The following TMEM127 variants were observed in gnomAD, a reference collection of about 807,000 sequenced individuals.
The protein encoded by TMEM127 is transmembrane protein 127.
Under a neutral mutation model 20.1 loss-of-function variants are expected in TMEM127, and 21 were observed. That is an observed-to-expected ratio of 1.04 (90% CI 0.74 to 1.50). The LOEUF (loss-of-function observed/expected upper bound fraction) is 1.50. Ranked by LOEUF, TMEM127 falls within the 40% of genes most tolerant of loss-of-function variation. The probability of loss-of-function intolerance (pLI) is 0.00; values close to 1 mark genes in which losing one functional copy is unlikely to be tolerated. For missense variants in TMEM127, 303 were observed against 317.4 expected, an observed-to-expected ratio of 0.95 and a Z score of 0.34; for synonymous variants, 150 against 144.7, an observed-to-expected ratio of 1.04 and a Z score of -0.26.
intron 1 of TMEM127, 21 bp from the exon 2 acceptor site, chr2:96,265,533 G>A: frequency 9.5e-7 from 1 of 1,054,762 alleles, no homozygotes; most frequent in South Asian, 4.0e-5. Context: ...TGACACCAGA[G>A]GATAGGGGGG....
chr2:96,255,866 G>A (rs1235675949), intron 2 of TMEM127, among the ~76,000 whole-genome samples: 2 of 152,046 alleles, frequency 1.3e-5, no homozygotes, highest in Non-Finnish European at 2.9e-5. Context: ...TATAGTCTTA[G>A]CTCCTTAGGA....
At chr2:96,261,077 A>G (rs1239022203) in intron 2 of TMEM127, among the ~76,000 whole-genome samples, 1 of 152,034 alleles carries the variant, frequency 6.6e-6, no homozygotes, top group Non-Finnish European at 1.5e-5. Context: ...TCATTCTCCA[A>G]AGATGCTTCC....
rs1684036225 is a variant in TMEM127 at position 96,249,124 on chromosome 2, T to A, written c.*4684A>T. ...TGTGTGTGTGTGTGTGTGTTTGAGATGGAGTCTCACTCTGTCAGGCTGGAG... is the reference window on the plus strand; with the variant it reads ...TGTGTGTGTGTGTGTGTGTTTGAGAAGGAGTCTCACTCTGTCAGGCTGGAG... On this transcript the variant is annotated 3_prime_UTR_variant, in exon 4 of 4. Coordinates refer to ENST00000258439, the MANE Select transcript of TMEM127 (RefSeq NM_017849.4). 1 of 228,554 alleles carries A rather than the reference T, an allele frequency of 4.4e-6. No homozygotes were observed. Among genetic ancestry groups the A allele is most frequent in the South Asian group, 1.8e-4 (1 of 5,450 alleles). 14.2% of individuals were successfully genotyped at this position (228,554 alleles called of 1,614,324 possible).
rs12619490 is a variant in TMEM127, at chr2:96,261,370, G to A, written c.244+3768C>T. Reference sequence around the variant, plus strand: ...AGTTCACTGCAGCCTTGAACTCCTGGACTCAAGTGATCCTGCTGGCCTCCT... The same window carrying A: ...AGTTCACTGCAGCCTTGAACTCCTGAACTCAAGTGATCCTGCTGGCCTCCT... On this transcript the variant is annotated intron_variant, in intron 2 of 3. Coordinates refer to ENST00000258439, the MANE Select transcript of TMEM127 (RefSeq NM_017849.4). Among the ~76,000 whole-genome samples, 212 of 152,104 alleles carry A rather than the reference G, an allele frequency of 1.4e-3. 5 individuals are homozygous for A. The East Asian group carries it at 0.035, about 25-fold the overall frequency.
chr2:96,261,431 GAA>G (rs1558755088), intron 2 of TMEM127, among the ~76,000 whole-genome samples: 1 of 152,164 alleles, frequency 6.6e-6, no homozygotes, highest in Non-Finnish European at 1.5e-5. Flanking sequence ...TTACAGGAGT[GAA>G]CCACCACACC....
intron 2 of TMEM127, 143 bp from the exon 3 acceptor site, chr2:96,255,140 G>T: frequency 8.4e-7 from 1 of 1,188,008 alleles, no homozygotes; most frequent in Non-Finnish European, 1.2e-6. Context: ...CCCTGCTCCT[G>T]GGTGGTCTGC....
In TMEM127 at chr2:96,253,648, C is replaced by A; in HGVS notation, c.*160G>T. The A allele has an allele frequency of 1.3e-6, 1 of 761,804 alleles. No individual in the cohort carries two copies. The highest frequency in any genetic ancestry group is 2.1e-6 in the Non-Finnish European group (1 of 482,430). 47.2% of individuals were successfully genotyped at this position (761,804 alleles called of 1,614,324 possible). ...ACCTCCGGTTCTGAGAGCAGGGATA[C>A]TTGGATGACCCTAAAGGCAGAGTCT... On this transcript the variant is annotated 3_prime_UTR_variant, in exon 4 of 4. Coordinates refer to ENST00000258439, the MANE Select transcript of TMEM127 (RefSeq NM_017849.4). This position sits in a 1 kb window ranked among gnomAD's most constrained non-coding sequence, Gnocchi z 4.3.
intron 2 of TMEM127, among the ~76,000 whole-genome samples, chr2:96,256,818 G>A (rs936810330): frequency 1.3e-5 from 2 of 152,024 alleles, no homozygotes; most frequent in Admixed American, 6.6e-5. Flanking sequence ...CACACAAAAA[G>A]AAAGGGAGGT....
intron 2 of TMEM127, among the ~76,000 whole-genome samples, chr2:96,259,402 T>C (rs1684272131): frequency 1.3e-5 from 2 of 152,242 alleles, no homozygotes; most frequent in Admixed American, 1.3e-4. Flanking sequence ...TCCCTGGAGA[T>C]AATCAATCAA....
In TMEM127 at chr2:96,252,080, A is replaced by G. The variant is rs1210470454; in HGVS notation, c.*1728T>C. 2 of 233,380 alleles carry G rather than the reference A, an allele frequency of 8.6e-6. No individual in the cohort carries two copies. The highest frequency in any genetic ancestry group is 1.7e-5 in the Non-Finnish European group (2 of 118,048). The allele number at this position is 233,380 out of a possible 1,614,324, so 14.5% of individuals were successfully genotyped here. On this transcript the variant is annotated 3_prime_UTR_variant, in exon 4 of 4. Coordinates refer to ENST00000258439, the MANE Select transcript of TMEM127 (RefSeq NM_017849.4). This position sits in a 1 kb window ranked among gnomAD's most constrained non-coding sequence, Gnocchi z 4.2. ...CTTGCCTGAGAGAAGAGTCCAGAAGAGCAGGAGAGTCACCTTTGAACACAC... is the reference window on the plus strand; with the variant it reads ...CTTGCCTGAGAGAAGAGTCCAGAAGGGCAGGAGAGTCACCTTTGAACACAC...
At chr2:96,256,352 A>C (rs1370926216) in intron 2 of TMEM127, among the ~76,000 whole-genome samples, 1 of 151,834 alleles carries the variant, frequency 6.6e-6, no homozygotes, top group African/African-American at 2.4e-5. Flanking sequence ...CGGGCAAAAC[A>C]CCTGAGGTCA....
At position 96,253,114 on chromosome 2, in the gene TMEM127, C is replaced by G. The variant is rs567850871; in HGVS notation, c.*694G>C. On this transcript the variant is annotated 3_prime_UTR_variant, in exon 4 of 4. Coordinates refer to ENST00000258439, the MANE Select transcript of TMEM127 (RefSeq NM_017849.4). This position sits in a 1 kb window ranked among gnomAD's most constrained non-coding sequence, Gnocchi z 4.3. ...GCTGGGAGATGTAGTCCCCTTCACT[C>G]TGGTCCTTGATAGGCACCAGGGGGC... is the stretch of plus-strand genomic sequence containing the variant. 16 of 233,404 alleles carry G rather than the reference C, an allele frequency of 6.9e-5. No individual in the cohort carries two copies. Among genetic ancestry groups the G allele is most frequent in the Admixed American group, 3.4e-4 (6 of 17,786 alleles). 14.5% of individuals were successfully genotyped at this position (233,404 alleles called of 1,614,324 possible). A position where few individuals can be genotyped will look rare whatever the true frequency, so the allele number is the denominator to read the frequency against.
At position 96,265,407 on chromosome 2, in the gene TMEM127, GC is replaced by G; in HGVS notation, c.-27del. ...GCCCGGGGCCGCCCGCCGTCGCTCCGCAGTCGCTGCTGGTCGCCGCCGACCT... is the reference window on the plus strand; with the variant it reads ...GCCCGGGGCCGCCCGCCGTCGCTCCGAGTCGCTGCTGGTCGCCGCCGACCT... On this transcript the variant is annotated 5_prime_UTR_variant, in exon 2 of 4. Coordinates refer to ENST00000258439, the MANE Select transcript of TMEM127 (RefSeq NM_017849.4). 1 of 1,355,690 alleles carries G rather than the reference GC, an allele frequency of 7.4e-7. No homozygotes were observed. Among genetic ancestry groups the G allele is most frequent in the Non-Finnish European group, 9.4e-7 (1 of 1,059,810 alleles). 84.0% of individuals were successfully genotyped at this position (1,355,690 alleles called of 1,614,324 possible). A position where few individuals can be genotyped will look rare whatever the true frequency, so the allele number is the denominator to read the frequency against.
chr2:96,251,929 C>T lies in TMEM127; in HGVS notation c.*1879G>A, dbSNP rs766485637. ...TCTTCTGGTCTGCCTGCTCAGACAC[C>T]CAAGGGCAGAGAGAGCTGGCCACAA... On this transcript the variant is annotated 3_prime_UTR_variant, in exon 4 of 4. Transcript: ENST00000258439. 3.4e-5 allele frequency: 8 copies of T among 233,166 alleles called. No individual in the cohort carries two copies. The highest frequency in any genetic ancestry group is 6.8e-5 in the Non-Finnish European group (8 of 117,862). 14.4% of individuals were successfully genotyped at this position (233,166 alleles called of 1,614,324 possible). A position where few individuals can be genotyped will look rare whatever the true frequency, so the allele number is the denominator to read the frequency against.
intron 2 of TMEM127, among the ~76,000 whole-genome samples, chr2:96,257,235 G>A (rs1176672240): frequency 3.3e-5 from 5 of 152,186 alleles, no homozygotes; most frequent in Admixed American, 3.3e-4. Flanking sequence ...GCCGAGGCGG[G>A]TGGATCACCT....
At chr2:96,265,708 C>G (rs570047093) in intron 1 of TMEM127, among the ~76,000 whole-genome samples, 161 bp downstream of exon 1, 14 of 152,214 alleles carry the variant, frequency 9.2e-5, no homozygotes, top group Non-Finnish European at 1.9e-4. Context: ...TCGGCTACTG[C>G]TAGAGCAAAG....
chr2:96,265,330 G>T lies in TMEM127; in HGVS notation c.52C>A (p.Pro18Thr). The T allele has an allele frequency of 6.6e-7, 1 of 1,520,922 alleles. No homozygotes were observed. The highest frequency in any genetic ancestry group is 8.8e-7 in the Non-Finnish European group (1 of 1,138,920). The allele number at this position is 1,520,922 out of a possible 1,614,324, so 94.2% of individuals were successfully genotyped here. The change falls in exon 2 of 4, where the codon CCG becomes ACG. Residue 18 changes from proline (P) to threonine (T), a missense_variant. Transcript: ENST00000258439. ...GLPGGRRRRS[P>T]GGSALPKQPE... ...TGCTTGGGCAGAGCGCTGCCTCCCG[G>T]GCTCCTCCGCCGGCGCCCGCCGGGC...
At chr2:96,262,402 T>C (rs1684329463) in intron 2 of TMEM127, among the ~76,000 whole-genome samples, 1 of 152,048 alleles carries the variant, frequency 6.6e-6, no homozygotes, top group Non-Finnish European at 1.5e-5. Flanking sequence ...CACAGGATAC[T>C]ACATGTCTGA....
In TMEM127 at chr2:96,251,989, G is replaced by C. The variant is rs551671260; in HGVS notation, c.*1819C>G. ...CCAATGACAAACTCAGGACTTAACA[G>C]AAAGACTTAGTTCAGTTCCTTGGCT... On this transcript the variant is annotated 3_prime_UTR_variant, in exon 4 of 4. Transcript: ENST00000258439. 50 of 233,364 alleles carry C rather than the reference G, an allele frequency of 2.1e-4. No homozygotes were observed. The highest frequency in any genetic ancestry group is 1.3e-3 in the Middle Eastern group (1 of 784). 14.5% of individuals were successfully genotyped at this position (233,364 alleles called of 1,614,324 possible). A position where few individuals can be genotyped will look rare whatever the true frequency, so the allele number is the denominator to read the frequency against.
Sources: allele counts gnomAD v4.1 joint callset (sites outside exome capture counted in the v4.1 genomes callset), GRCh38; gene constraint gnomAD v4.1.1; non-coding constraint Gnocchi (gnomAD v3.1); transcripts MANE v1.5; gene names NCBI Gene and HGNC (gene_info 2026-07-23, HGNC 2026-07-21).